Variants in GPC6 observed in about 807,000 individuals in gnomAD.
GPC6 encodes glypican-6.
A neutral mutation model predicts 55.2 loss-of-function variants in GPC6; 14 were observed. The ratio of observed to expected loss-of-function variants is 0.25; its 90% CI spans 0.17 to 0.40. The LOEUF (loss-of-function observed/expected upper bound fraction) is 0.40, where lower values mean the gene tolerates loss of function less well. Ranked by LOEUF, GPC6 falls within the 10% of genes least tolerant of loss-of-function variation. The pLI, the probability that GPC6 is intolerant of heterozygous loss-of-function variation, is 1.00. For synonymous variants in GPC6, 278 were observed against 259.6 expected, an observed-to-expected ratio of 1.07 and a Z score of -0.68; for missense variants, 641 against 708.5, an observed-to-expected ratio of 0.90 and a Z score of 1.08.
intron 3 of GPC6, among the ~76,000 whole-genome samples, chr13:94,024,807 A>C (rs150226831): frequency 6.6e-6 from 1 of 152,344 alleles, no homozygotes. Context: ...CTTTGAAAAC[A>C]AAGTTAAAAA....
chr13:94,054,563 C>T (rs924351179), intron 4 of GPC6, among the ~76,000 whole-genome samples: 14 of 152,152 alleles, frequency 9.2e-5, no homozygotes, highest in African/African-American at 2.9e-4. Flanking sequence ...CACCTCCTGG[C>T]GGCCAGCTGC....
chr13:93,998,222 C>A (rs1398177231), intron 3 of GPC6, among the ~76,000 whole-genome samples: 1 of 152,054 alleles, frequency 6.6e-6, no homozygotes, highest in African/African-American at 2.4e-5. Context: ...ACCTTAAGAC[C>A]ATAGATGACA....
At chr13:94,335,311 C>A (rs1431843276) in intron 6 of GPC6, among the ~76,000 whole-genome samples, 1 of 152,180 alleles carries the variant, frequency 6.6e-6, no homozygotes, top group Admixed American at 6.5e-5. Context: ...TGTCCACAAA[C>A]CCTTATAGGA....
At chr13:94,063,914 G>A (rs1473581549) in intron 4 of GPC6, among the ~76,000 whole-genome samples, 3 of 152,148 alleles carry the variant, frequency 2.0e-5, no homozygotes, top group African/African-American at 7.2e-5. Flanking sequence ...AGCTTTCATG[G>A]TTGGAAGCAT....
rs79353067 is a variant in GPC6 at position 94,094,633 on chromosome 13, A to G, written c.877+66739A>G. ...TAAAAGGAAAATTACAGTAAGATGT[A>G]CTTGTATTTCTTATTAGCTCAGCTT... is the stretch of plus-strand genomic sequence containing the variant. On this transcript the variant is annotated intron_variant, in intron 4 of 8. Coordinates refer to ENST00000377047, the MANE Select transcript of GPC6 (RefSeq NM_005708.5). 5.8e-3 allele frequency among the ~76,000 whole-genome samples: 889 copies of G among 152,246 alleles called. 5 individuals carry two copies. Among genetic ancestry groups the G allele is most frequent in the Non-Finnish European group, 9.8e-3 (667 of 67,990 alleles).
At chr13:94,127,562 C>T (rs1439385272) in intron 4 of GPC6, among the ~76,000 whole-genome samples, 1 of 152,104 alleles carries the variant, frequency 6.6e-6, no homozygotes, top group Non-Finnish European at 1.5e-5. Flanking sequence ...ATTACCCACT[C>T]TCAGGTGTTT....
chr13:93,819,829 A>G (rs1886982404), intron 2 of GPC6, among the ~76,000 whole-genome samples: 1 of 152,234 alleles, frequency 6.6e-6, no homozygotes, highest in African/African-American at 2.4e-5. Flanking sequence ...TTACTTTAAA[A>G]GATATCTTTG....
intron 2 of GPC6, among the ~76,000 whole-genome samples, chr13:93,750,122 A>G (rs1884527326): frequency 6.6e-6 from 1 of 152,218 alleles, no homozygotes; most frequent in Non-Finnish European, 1.5e-5. Context: ...ATATTAGAAT[A>G]AATAGAATTT....
In GPC6 at chr13:94,403,208, G is replaced by A; in HGVS notation, c.1659G>A (p.Leu553=). 1.2e-6 allele frequency: 2 copies of A among 1,611,848 alleles called. No homozygotes were observed. Among genetic ancestry groups the A allele is most frequent in the South Asian group, 1.1e-5 (1 of 91,060 alleles). Residue 553 remains leucine, a synonymous_variant, in exon 9 of 9, where the codon CTG becomes CTA. Coordinates refer to ENST00000377047, the MANE Select transcript of GPC6 (RefSeq NM_005708.5). ...LTCIVLALQR[L]CR ...GCATTGTCCTGGCACTGCAGAGACT[G>A]TGCAGATAATCTTGGGTTTTTGGTC... is the stretch of plus-strand genomic sequence containing the variant.
At chr13:94,154,096 T>A (rs1306375872) in intron 4 of GPC6, 7 of 152,136 alleles carry the variant, frequency 4.6e-5, no homozygotes, top group Non-Finnish European at 7.4e-5. Context: ...TTGAAGGTAA[T>A]CAAACTAGAC....
intron 1 of GPC6, among the ~76,000 whole-genome samples, chr13:93,443,537 G>A (rs1877884379): frequency 6.6e-6 from 1 of 152,184 alleles, no homozygotes. Flanking sequence ...CTTATGGAAT[G>A]CATAGCCCTT....
At chr13:93,524,000 A>G (rs1881551691) in intron 1 of GPC6, among the ~76,000 whole-genome samples, 2 of 151,854 alleles carry the variant, frequency 1.3e-5, no homozygotes, top group Non-Finnish European at 2.9e-5. Context: ...CTCACATTAG[A>G]TTTCAGTGGA....
chr13:93,389,726 A>G (rs1218993709), intron 1 of GPC6, among the ~76,000 whole-genome samples: 1 of 151,934 alleles, frequency 6.6e-6, no homozygotes, highest in Non-Finnish European at 1.5e-5. Flanking sequence ...TCCTTTTAGT[A>G]AAGGGAAATC....
intron 1 of GPC6, among the ~76,000 whole-genome samples, chr13:93,528,656 A>T (rs920562432): frequency 2.6e-5 from 4 of 152,216 alleles, no homozygotes; most frequent in African/African-American, 9.6e-5. Flanking sequence ...GCATCTTCTA[A>T]GGTAAATATG....
At position 94,166,413 on chromosome 13, in the gene GPC6, G is replaced by A. The variant is rs542385679; in HGVS notation, c.878-119936G>A. 1.7e-3 allele frequency among the ~76,000 whole-genome samples: 255 copies of A among 152,156 alleles called. 1 individual carries two copies. Among genetic ancestry groups the A allele is most frequent in the African/African-American group, 2.6e-3 (108 of 41,508 alleles). ...CTTCTTCCTCAGAAGATAGCCTGTC[G>A]TTGCAAACCCATTCATGTTGCAACC... On this transcript the variant is annotated intron_variant, in intron 4 of 8. Transcript: ENST00000377047.
Position 93,274,532 on chromosome 13 carries a change from T to C in GPC6, c.160+46916T>C, listed in dbSNP as rs73552295. ...CAGTATTGCTATATTCATTCACTTA[T>C]TTATATATTACATGGTTACTACATA... On this transcript the variant is annotated intron_variant, in intron 1 of 8. Transcript: ENST00000377047. Among the ~76,000 whole-genome samples, 821 of 152,344 alleles carry C rather than the reference T, an allele frequency of 5.4e-3. 7 individuals are homozygous for C. The highest frequency in any genetic ancestry group is 0.017 in the African/African-American group (718 of 41,578).
intron 6 of GPC6, among the ~76,000 whole-genome samples, chr13:94,331,194 GC>G (rs1178739568): frequency 6.6e-6 from 1 of 152,038 alleles, no homozygotes; most frequent in Non-Finnish European, 1.5e-5. Flanking sequence ...TGACCTACGG[GC>G]CGAGCCACCT....
At chr13:93,794,821 G>A (rs1886150560) in intron 2 of GPC6, among the ~76,000 whole-genome samples, 1 of 152,186 alleles carries the variant, frequency 6.6e-6, no homozygotes, top group Admixed American at 6.5e-5. Context: ...CTCAGTAAAT[G>A]TGAATAATAG....
Position 93,838,417 on chromosome 13 carries a change from T to C in GPC6, c.711+7872T>C, listed in dbSNP as rs142664126. Among the ~76,000 whole-genome samples, 367 of 152,290 alleles carry C rather than the reference T, an allele frequency of 2.4e-3. 4 individuals carry two copies. Among genetic ancestry groups the C allele is most frequent in the East Asian group, 6.0e-3 (31 of 5,168 alleles). ...GAGGGAAAAAAGAGGTATGGCTTTC[T>C]TGCCAAGGGCCCAGCATGTGCAAAG... On this transcript the variant is annotated intron_variant, in intron 3 of 8. Coordinates refer to ENST00000377047, the MANE Select transcript of GPC6 (RefSeq NM_005708.5).
Sources: allele counts gnomAD v4.1 joint callset (sites outside exome capture counted in the v4.1 genomes callset), GRCh38; gene constraint gnomAD v4.1.1; transcripts MANE v1.5; gene names NCBI Gene and HGNC (gene_info 2026-07-23, HGNC 2026-07-21).